CNFN: variants seen among roughly 807,000 people sequenced by gnomAD.
CNFN encodes the protein cornefied envelope protein cornefilin.
A neutral mutation model predicts 14.9 loss-of-function variants in CNFN; 10 were observed. The ratio of observed to expected loss-of-function variants is 0.67; its 90% CI spans 0.41 to 1.14. The LOEUF is 1.14. CNFN is among the 50% of genes most tolerant of loss of function. CNFN has a pLI of 0.00. For synonymous variants in CNFN, 66 were observed against 60.0 expected, an observed-to-expected ratio of 1.10 and a Z score of -0.46; for missense variants, 165 against 152.8, an observed-to-expected ratio of 1.08 and a Z score of -0.42.
At chr19:42,389,488 CCT>C (rs1316248005) in intron 1 of CNFN, 1 of 1,290,812 alleles carries the variant, frequency 7.7e-7, no homozygotes, top group African/African-American at 1.5e-5. Flanking sequence ...AGCGGTCCCA[CCT>C]TTGCCTTTCA....
intron 1 of CNFN, among the ~76,000 whole-genome samples, chr19:42,389,727 T>A (rs921248252): frequency 6.6e-6 from 1 of 151,678 alleles, no homozygotes; most frequent in Non-Finnish European, 1.5e-5. Flanking sequence ...GAATAGGGAA[T>A]GGATAGGGCG....
chr19:42,387,455 G>A lies in CNFN; in HGVS notation c.134C>T (p.Pro45Leu), dbSNP rs1333002467. 5 of 1,592,348 alleles carry A rather than the reference G, an allele frequency of 3.1e-6. No individual in the cohort carries two copies. The highest frequency in any genetic ancestry group is 1.7e-5 in the Admixed American group (1 of 57,472). Reference protein sequence around the residue: ...MPVCLCGTFAPLCLACRISDD... With the variant: ...MPVCLCGTFALLCLACRISDD... ...GGAGATGCGGCAGGCAAGGCACAGA[G>A]GAGCAAAAGTGCCGCACAGACCTGG... is the stretch of plus-strand genomic sequence containing the variant. Residue 45 changes from proline (P) to leucine (L), a missense_variant, in exon 3 of 4, where the codon CCT becomes CTT. Pro to Leu is a moderately conservative substitution (Grantham distance 98). Transcript: ENST00000222032.
chr19:42,387,573 T>A, intron 2 of CNFN, 97 bp from the exon 3 acceptor site: 1 of 864,906 alleles, frequency 1.2e-6, no homozygotes, highest in Non-Finnish European at 1.7e-6. Context: ...GGAGGGGCAT[T>A]GAGGGTCCCA....
intron 2 of CNFN, among the ~76,000 whole-genome samples, chr19:42,388,641 G>C (rs1019715806): frequency 6.6e-6 from 1 of 152,186 alleles, no homozygotes; most frequent in Non-Finnish European, 1.5e-5. Context: ...CCAGGAGCTA[G>C]GGTTTGAAGA....
At chr19:42,387,998 A>AC (rs1174691713) in intron 2 of CNFN, among the ~76,000 whole-genome samples, 14 of 146,900 alleles carry the variant, frequency 9.5e-5, no homozygotes, top group South Asian at 4.3e-4. Flanking sequence ...CAAAAAACAA[A>AC]ACAAAAAAAA....
At chr19:42,387,286 C>T in intron 3 of CNFN, 44 bp from the exon 4 acceptor site, 2 of 1,606,498 alleles carry the variant, frequency 1.2e-6, no homozygotes, top group Non-Finnish European at 1.7e-6. Flanking sequence ...CGGTGGGTCC[C>T]AGGAGGCCAG....
chr19:42,389,061 G>A, intron 1 of CNFN, 22 bp from the exon 2 acceptor site: 1 of 1,562,306 alleles, frequency 6.4e-7, no homozygotes, highest in Non-Finnish European at 8.8e-7. Context: ...GGAGGGTAGG[G>A]GTCAGCTGGC....
rs756096883 is a variant in CNFN, at chr19:42,387,179, C to T, written c.313G>A (p.Ala105Thr). ...FCLPCALCQMARELKIRE is the reference protein window; with the variant it reads ...FCLPCALCQMTRELKIRE ...TACTCTCGGATCTTCAGTTCCCGCGCCATCTGGCAGAGGGCGCAGGGCAGA... is the reference window on the plus strand; with the variant it reads ...TACTCTCGGATCTTCAGTTCCCGCGTCATCTGGCAGAGGGCGCAGGGCAGA... Residue 105 changes from alanine (A) to threonine (T), a missense_variant, in exon 4 of 4, where the codon GCG becomes ACG. By Grantham distance (58) the Ala-to-Thr change is moderately conservative. Coordinates refer to ENST00000222032, the MANE Select transcript of CNFN (RefSeq NM_032488.4). 25 of 1,614,220 alleles carry T rather than the reference C, an allele frequency of 1.5e-5. No homozygotes were observed. The highest frequency in any genetic ancestry group is 2.1e-5 in the Non-Finnish European group (25 of 1,180,038).
chr19:42,388,005 A>AAAAAAC lies in CNFN; in HGVS notation c.113-530_113-529insGTTTTT, dbSNP rs1568585959. On this transcript the variant is annotated intron_variant, in intron 2 of 3. Transcript: ENST00000222032. Reference sequence around the variant, plus strand: ...AAAAAAAACAAAAAACAAAACAAAAAAAAAAACGAAAGAAAGAAAAAAAAA... The same window carrying AAAAAAC: ...AAAAAAAACAAAAAACAAAACAAAAAAAAAACAAAAAACGAAAGAAAGAAAAAAAAA... Among the ~76,000 whole-genome samples, 56 of 143,708 alleles carry AAAAAAC rather than the reference A, an allele frequency of 3.9e-4. 1 individual carries two copies. The highest frequency in any genetic ancestry group is 1.4e-3 in the African/African-American group (52 of 36,254). 94.3% of individuals were successfully genotyped at this position (143,708 alleles called of 152,430 possible). A position where few individuals can be genotyped will look rare whatever the true frequency, so the allele number is the denominator to read the frequency against.
At chr19:42,390,186 CAG>C (rs1321068266) in intron 1 of CNFN, 52 bp downstream of exon 1, 2 of 154,210 alleles carry the variant, frequency 1.3e-5, no homozygotes, top group Non-Finnish European at 2.9e-5. Context: ...GGAGGGAGAA[CAG>C]AGCAGAGGCG....
intron 1 of CNFN, chr19:42,389,394 C>T (rs2039881058): frequency 9.3e-7 from 1 of 1,079,168 alleles, no homozygotes; most frequent in African/African-American, 1.6e-5. Context: ...GGGGTGGAAG[C>T]AGGCGCCGTC....
Position 42,387,506 on chromosome 19 carries a change from G to A in CNFN, c.113-30C>T, listed in dbSNP as rs1326244729. The A allele has an allele frequency of 3.3e-6, 5 of 1,510,822 alleles. No individual in the cohort carries two copies. In the South Asian group the frequency reaches 6.3e-5, roughly 19 times the overall value. The allele number at this position is 1,510,822 out of a possible 1,614,324, so 93.6% of individuals were successfully genotyped here. ...GCGGGGCGCAGGCGCTCAGGGGCGG[G>A]GCCAGCCGGGGCCTCCCGACGGCTC... On this transcript the variant is annotated intron_variant, in intron 2 of 3. Coordinates refer to ENST00000222032, the MANE Select transcript of CNFN (RefSeq NM_032488.4).
In CNFN at chr19:42,387,369, T is replaced by C; in HGVS notation, c.220A>G (p.Thr74Ala). ...ATGTGGTAGCGCTCCCGCATGCCGG[T>C]GCGGATGGAGTGCAGGCCTCCGGGC... ...YLPGGLHSIR[T>A]GMRERYHIQG... The change falls in exon 3 of 4, where the codon ACC becomes GCC. Residue 74 changes from threonine to alanine, a missense_variant. By Grantham distance (58) the Thr-to-Ala change is moderately conservative. Coordinates refer to ENST00000222032, the MANE Select transcript of CNFN (RefSeq NM_032488.4). 2.5e-6 allele frequency: 4 copies of C among 1,599,156 alleles called. No individual in the cohort carries two copies. Among genetic ancestry groups the C allele is most frequent in the Non-Finnish European group, 3.4e-6 (4 of 1,174,152 alleles).
Position 42,387,514 on chromosome 19 carries a change from G to C in CNFN, c.113-38C>G, listed in dbSNP as rs769710802. On this transcript the variant is annotated intron_variant, in intron 2 of 3. Coordinates refer to ENST00000222032, the MANE Select transcript of CNFN (RefSeq NM_032488.4). The stretch of plus-strand genomic sequence containing the variant: ...CAGGCGCTCAGGGGCGGGGCCAGCC[G>C]GGGCCTCCCGACGGCTCCGCCCCGG... 6 of 1,499,846 alleles carry C rather than the reference G, an allele frequency of 4.0e-6. No homozygotes were observed. In the South Asian group the frequency reaches 7.8e-5, roughly 19 times the overall value. 92.9% of individuals were successfully genotyped at this position (1,499,846 alleles called of 1,614,324 possible).
intron 2 of CNFN, 93 bp downstream of exon 2, chr19:42,388,833 C>A (rs1271719596): frequency 2.4e-6 from 2 of 831,636 alleles, no homozygotes; most frequent in Non-Finnish European, 3.8e-6. Flanking sequence ...GGTTAGCAAG[C>A]GGTGGGAGGA....
Position 42,388,954 on chromosome 19 carries a change from G to A in CNFN, c.84C>T (p.Leu28=). 6.2e-7 allele frequency: 1 copy of A among 1,613,744 alleles called. No individual in the cohort carries two copies. The highest frequency in any genetic ancestry group is 8.5e-7 in the Non-Finnish European group (1 of 1,179,934). ...CAGGCATGTCGTTGCAGCAGTCCGTGAGACCTGTGTGCCAGTCACTGAGCT... is the reference window on the plus strand; with the variant it reads ...CAGGCATGTCGTTGCAGCAGTCCGTAAGACCTGTGTGCCAGTCACTGAGCT... ...QTQLSDWHTG[L]TDCCNDMPVC... Residue 28 remains leucine (L), a synonymous_variant, in exon 2 of 4, where the codon CTC becomes CTT. Coordinates refer to ENST00000222032, the MANE Select transcript of CNFN (RefSeq NM_032488.4).
rs1417310279 is a variant in CNFN, at chr19:42,388,021, G to C, written c.113-545C>G. On this transcript the variant is annotated intron_variant, in intron 2 of 3. Transcript: ENST00000222032. ...AAAACAAAAAAAAAAACGAAAGAAA[G>C]AAAAAAAAAGAAAAAGAAATTAAAG... 8.0e-5 allele frequency among the ~76,000 whole-genome samples: 11 copies of C among 138,130 alleles called. No individual in the cohort carries two copies. In the South Asian group the frequency reaches 2.6e-3, roughly 33 times the overall value. The allele number at this position is 138,130 out of a possible 152,430, so 90.6% of individuals were successfully genotyped here.
Position 42,387,022 on chromosome 19 carries a change from G to T in CNFN, c.*131C>A. The T allele has an allele frequency of 1.1e-6, 1 of 880,396 alleles. No individual in the cohort carries two copies. Among genetic ancestry groups the T allele is most frequent in the Non-Finnish European group, 1.8e-6 (1 of 549,372 alleles). 54.5% of individuals were successfully genotyped at this position (880,396 alleles called of 1,614,324 possible). A position where few individuals can be genotyped will look rare whatever the true frequency, so the allele number is the denominator to read the frequency against. On this transcript the variant is annotated 3_prime_UTR_variant, in exon 4 of 4. Transcript: ENST00000222032. ...GACAAAATGGATGTAGGCGGAGTTG[G>T]TTTTCAGGTTTTTATTGTGGGTGTA...
intron 1 of CNFN, 105 bp from the exon 2 acceptor site, chr19:42,389,144 C>A: frequency 1.2e-6 from 1 of 816,412 alleles, no homozygotes; most frequent in South Asian, 1.7e-5. Context: ...GCGGGGCCGC[C>A]AGGCCGCCCA....
Sources: allele counts gnomAD v4.1 joint callset (sites outside exome capture counted in the v4.1 genomes callset), GRCh38; gene constraint gnomAD v4.1.1; transcripts MANE v1.5; gene names NCBI Gene and HGNC (gene_info 2026-07-23, HGNC 2026-07-21).